LYST: variants seen among roughly 807,000 people sequenced by gnomAD.
LYST encodes lysosomal trafficking regulator, also known as lysosomal-trafficking regulator.
Under a neutral mutation model 413.6 loss-of-function variants are expected in LYST, and 192 were observed. That is an observed-to-expected ratio of 0.46 (90% CI 0.41 to 0.52). The LOEUF (loss-of-function observed/expected upper bound fraction) is 0.52. Among genes scored for constraint, LYST ranks in the 20% least tolerant of loss-of-function variants. The pLI is 0.00. For missense variants in LYST, 3,815 were observed against 4,499.9 expected (o/e 0.85, Z 4.35); for synonymous variants, 1,525 against 1,567.3 (o/e 0.97, Z 0.64).
intron 3 of LYST, among the ~76,000 whole-genome samples, chr1:235,823,052 C>T (rs1420600111): frequency 6.6e-6 from 1 of 152,168 alleles, no homozygotes; most frequent in Non-Finnish European, 1.5e-5. Context: ...GAATCATGAG[C>T]AAAGAAATCA....
rs375312576 is a variant in LYST at position 235,677,036 on chromosome 1, G to A, written c.11038+55C>T. ...CTCGACCTAGGAGTAACCACTGGCC[G>A]AATGCGCTGTTAGAGCACCAGCCAG... On this transcript the variant is annotated intron_variant, in intron 50 of 52. Coordinates refer to ENST00000389793, the MANE Select transcript of LYST (RefSeq NM_000081.4). The A allele has an allele frequency of 4.7e-5, 61 of 1,294,844 alleles. No individual in the cohort carries two copies. The African/African-American group carries it at 5.4e-4, about 11-fold the overall frequency. The allele number at this position is 1,294,844 out of a possible 1,614,324, so 80.2% of individuals were successfully genotyped here.
intron 37 of LYST, 89 bp from the exon 38 acceptor site, chr1:235,728,220 T>G (rs1331488419): frequency 1.1e-6 from 1 of 938,918 alleles, no homozygotes; most frequent in Non-Finnish European, 1.8e-6. Flanking sequence ...AGTCCTTTGG[T>G]CTGAATTTGA....
chr1:235,745,450 T>C (rs912819947), intron 29 of LYST, among the ~76,000 whole-genome samples: 4 of 152,108 alleles, frequency 2.6e-5, no homozygotes, highest in Admixed American at 2.6e-4. Flanking sequence ...GTAAAAAAAC[T>C]TGGACCACTC....
chr1:235,843,075 C>G (rs1339161842), intron 1 of LYST, among the ~76,000 whole-genome samples: 1 of 152,074 alleles, frequency 6.6e-6, no homozygotes, highest in East Asian at 1.9e-4. Context: ...AAGGACATTA[C>G]ATGTACCACT....
intron 38 of LYST, among the ~76,000 whole-genome samples, chr1:235,725,979 T>A (rs1663832590): frequency 6.6e-6 from 1 of 152,186 alleles, no homozygotes; most frequent in South Asian, 2.1e-4. Context: ...CATCTTAATC[T>A]TTTGTAAATT....
At chr1:235,709,402 T>C in intron 43 of LYST, 94 bp from the exon 44 acceptor site, 1 of 1,011,156 alleles carries the variant, frequency 9.9e-7, no homozygotes, top group Non-Finnish European at 1.5e-6. Context: ...AAATAGCTGT[T>C]TGTGTGCTAC....
chr1:235,781,346 C>T (rs966280124), intron 15 of LYST, among the ~76,000 whole-genome samples: 2 of 151,974 alleles, frequency 1.3e-5, no homozygotes, highest in Non-Finnish European at 1.5e-5. Context: ...TTTTATTTTA[C>T]TTTGTTGTAT....
chr1:235,761,509 T>C (rs1016594426), intron 22 of LYST, among the ~76,000 whole-genome samples: 2 of 152,176 alleles, frequency 1.3e-5, no homozygotes, highest in Non-Finnish European at 2.9e-5. Flanking sequence ...ACACTTACTA[T>C]GGAAATAGAA....
intron 16 of LYST, among the ~76,000 whole-genome samples, chr1:235,780,014 C>T (rs1367905273): frequency 6.6e-6 from 1 of 151,930 alleles, no homozygotes; most frequent in East Asian, 1.9e-4. Context: ...ACTGGTAGAA[C>T]AAAATATTGG....
intron 10 of LYST, among the ~76,000 whole-genome samples, chr1:235,794,875 G>T (rs182379798): frequency 1.2e-3 from 182 of 152,196 alleles, no homozygotes; most frequent in African/African-American, 4.3e-3. Context: ...AGAGGTTCCA[G>T]TTAAAAATGG....
At chr1:235,847,547 A>C (rs2103079981) in intron 1 of LYST, among the ~76,000 whole-genome samples, 1 of 152,300 alleles carries the variant, frequency 6.6e-6, no homozygotes, top group African/African-American at 2.4e-5. Flanking sequence ...CATACCGCAC[A>C]TTTCAATGCT....
chr1:235,785,697 AT>A (rs1028177415), intron 14 of LYST, among the ~76,000 whole-genome samples: 3 of 152,114 alleles, frequency 2.0e-5, no homozygotes, highest in African/African-American at 4.8e-5. Flanking sequence ...ATGTCCATTC[AT>A]TTTTATTTCT....
At chr1:235,852,780 T>C (rs1288937098) in intron 1 of LYST, among the ~76,000 whole-genome samples, 1 of 152,174 alleles carries the variant, frequency 6.6e-6, no homozygotes, top group Non-Finnish European at 1.5e-5. Context: ...TCTGGGTTAA[T>C]GACCATATCA....
At chr1:235,724,003 T>C (rs777056226) in intron 39 of LYST, 25 bp downstream of exon 39, 2 of 1,598,582 alleles carry the variant, frequency 1.3e-6, no homozygotes, top group South Asian at 1.1e-5. Flanking sequence ...AAACAATATA[T>C]ATCAATTAAT....
chr1:235,810,586 C>T (rs371426157), intron 4 of LYST, 52 bp from the exon 5 acceptor site: 5 of 1,512,456 alleles, frequency 3.3e-6, no homozygotes, highest in Non-Finnish European at 3.6e-6. Context: ...TTTTAAAACT[C>T]AATTTTAAGG....
chr1:235,830,473 A>C, intron 2 of LYST, 49 bp from the exon 3 acceptor site: 1 of 1,374,962 alleles, frequency 7.3e-7, no homozygotes, highest in Non-Finnish European at 1.0e-6. Flanking sequence ...ACAAATACAA[A>C]TTTACTTTTA....
intron 36 of LYST, among the ~76,000 whole-genome samples, chr1:235,730,342 G>C (rs966863258): frequency 3.3e-5 from 5 of 152,044 alleles, no homozygotes; most frequent in African/African-American, 4.8e-5. Flanking sequence ...AACTGAGACA[G>C]AGAGGTTAGG....
intron 21 of LYST, 135 bp from the exon 22 acceptor site, chr1:235,762,986 T>C (rs1020339213): frequency 1.5e-6 from 1 of 681,116 alleles, no homozygotes; most frequent in African/African-American, 1.8e-5. Flanking sequence ...GCATACTTTA[T>C]ATTAAGGCAC....
At chr1:235,847,145 T>C (rs1197207804) in intron 1 of LYST, among the ~76,000 whole-genome samples, 3 of 152,120 alleles carry the variant, frequency 2.0e-5, no homozygotes, top group East Asian at 1.9e-4. Flanking sequence ...AGGTAGCCTA[T>C]AAAAGAAAAC....
Sources: gnomAD v4.1 joint callset for allele counts (sites outside exome capture counted in the v4.1 genomes callset) on GRCh38, gnomAD v4.1.1 for gene constraint, MANE v1.5 for transcripts, NCBI Gene and HGNC (gene_info 2026-07-23, HGNC 2026-07-21) for gene names.